GALNTL6: variants seen among roughly 807,000 people sequenced by gnomAD.
The protein encoded by GALNTL6 is polypeptide N-acetylgalactosaminyltransferase like 6.
GALNTL6 carries 46 observed loss-of-function variants against 73.7 expected under a neutral mutation model. The ratio of observed to expected loss-of-function variants is 0.62; its 90% confidence interval spans 0.49 to 0.80. The LOEUF (loss-of-function observed/expected upper bound fraction) is 0.80, where lower values mean the gene tolerates loss of function less well. Ranked by LOEUF, GALNTL6 falls within the 30% of genes least tolerant of loss-of-function variation. The probability of loss-of-function intolerance (pLI) is 0.00; values close to 1 mark genes in which losing one functional copy is unlikely to be tolerated. For synonymous variants in GALNTL6, 259 were observed against 263.7 expected (o/e 0.98, Z 0.17); for missense variants, 604 against 755.0 (o/e 0.80, Z 2.34).
chr4:172,841,935 C>T (rs1743236773), intron 7 of GALNTL6, among the ~76,000 whole-genome samples: 2 of 152,202 alleles, frequency 1.3e-5, no homozygotes, highest in African/African-American at 4.8e-5. Flanking sequence ...TAGATAATAA[C>T]AGCTGCCATT....
chr4:173,008,176 G>A (rs1255585359), intron 10 of GALNTL6, among the ~76,000 whole-genome samples: 1 of 152,194 alleles, frequency 6.6e-6, no homozygotes, highest in East Asian at 1.9e-4. Flanking sequence ...GTTCCGCACA[G>A]AACCATGCAG....
At chr4:171,898,315 A>G (rs990525964) in intron 2 of GALNTL6, among the ~76,000 whole-genome samples, 6 of 152,194 alleles carry the variant, frequency 3.9e-5, no homozygotes, top group South Asian at 2.1e-4. Context: ...TTGACATTTA[A>G]TCATACACTT....
intron 5 of GALNTL6, among the ~76,000 whole-genome samples, chr4:172,432,682 A>ATT (rs746598851): frequency 1.3e-5 from 2 of 152,114 alleles, no homozygotes; most frequent in South Asian, 4.1e-4. Context: ...TTTAAAATGA[A>ATT]TAAATAGTTG....
At position 172,763,634 on chromosome 4, in the gene GALNTL6, A is replaced by G. The variant is rs1408033729; in HGVS notation, c.554-45727A>G. Among the ~76,000 whole-genome samples the G allele has an allele frequency of 5.3e-5, 8 of 152,344 alleles. No individual in the cohort carries two copies. The East Asian group carries it at 1.5e-3, about 29-fold the overall frequency. On this transcript the variant is annotated intron_variant, in intron 5 of 12. Coordinates refer to ENST00000506823, the MANE Select transcript of GALNTL6 (RefSeq NM_001034845.3). ...CAAATGCTTAGAGTAAAGGCATCGTATCTATGGAGCTTGTTTAACACTGAG... is the reference window on the plus strand; with the variant it reads ...CAAATGCTTAGAGTAAAGGCATCGTGTCTATGGAGCTTGTTTAACACTGAG...
chr4:172,052,392 T>C (rs2110861118), intron 2 of GALNTL6: 1 of 1,366,616 alleles, frequency 7.3e-7, no homozygotes, highest in Non-Finnish European at 1.0e-6. Flanking sequence ...ACATCCTTCA[T>C]AGTAACCACA....
chr4:172,198,059 C>G (rs1007591662), intron 2 of GALNTL6, among the ~76,000 whole-genome samples: 1 of 151,884 alleles, frequency 6.6e-6, no homozygotes, highest in Non-Finnish European at 1.5e-5. Flanking sequence ...TGCAGTGAGC[C>G]AAGATTGTGC....
At chr4:172,906,091 G>A (rs1051724471) in intron 8 of GALNTL6, among the ~76,000 whole-genome samples, 2 of 152,164 alleles carry the variant, frequency 1.3e-5, no homozygotes, top group Non-Finnish European at 2.9e-5. Flanking sequence ...GAGCTTGCTG[G>A]TGGCCAGAAC....
rs547419592 is a variant in GALNTL6, at chr4:172,815,228, ACAT to A, written c.923+1509_923+1511del. Among the ~76,000 whole-genome samples the A allele has an allele frequency of 2.2e-4, 34 of 152,338 alleles. 1 individual carries two copies. In the South Asian group the frequency reaches 5.8e-3, roughly 26 times the overall value. On this transcript the variant is annotated intron_variant, in intron 7 of 12. Transcript: ENST00000506823. Reference sequence around the variant, plus strand: ...TTCGACAATATGTACGTATTTCAAAACATCATGTTGTACATCATAAATATATAC... The same window carrying A: ...TTCGACAATATGTACGTATTTCAAAACATGTTGTACATCATAAATATATAC...
At chr4:172,696,646 C>G (rs1733714187) in intron 5 of GALNTL6, among the ~76,000 whole-genome samples, 2 of 152,306 alleles carry the variant, frequency 1.3e-5, no homozygotes, top group Admixed American at 1.3e-4. Context: ...CATACACTCT[C>G]TTGCCTGCTG....
At chr4:172,566,451 A>C (rs914951718) in intron 5 of GALNTL6, among the ~76,000 whole-genome samples, 1 of 152,218 alleles carries the variant, frequency 6.6e-6, no homozygotes, top group Non-Finnish European at 1.5e-5. Flanking sequence ...AATGGATCAG[A>C]AAAGAAATCA....
chr4:171,873,663 C>T (rs539981698), intron 2 of GALNTL6, among the ~76,000 whole-genome samples: 2 of 152,230 alleles, frequency 1.3e-5, no homozygotes, highest in South Asian at 4.1e-4. Flanking sequence ...AATACTTCTA[C>T]TCTCTTTATA....
rs566191395 is a variant in GALNTL6, at chr4:172,972,574, C to G, written c.1371+20316C>G. On this transcript the variant is annotated intron_variant, in intron 10 of 12. Transcript: ENST00000506823. The stretch of plus-strand genomic sequence containing the variant: ...CCAATCAGTGAGCACACCTAGCTCT[C>G]AATTGTGGTCTCTAAATAGAATTGT... Among the ~76,000 whole-genome samples, 10 of 152,288 alleles carry G rather than the reference C, an allele frequency of 6.6e-5. No individual in the cohort carries two copies. In the South Asian group the frequency reaches 1.9e-3, roughly 28 times the overall value.
At chr4:171,913,119 T>C (rs1405062773) in intron 2 of GALNTL6, among the ~76,000 whole-genome samples, 1 of 152,150 alleles carries the variant, frequency 6.6e-6, no homozygotes, top group African/African-American at 2.4e-5. Context: ...TTCCCAATCT[T>C]CTGATCAGAA....
At chr4:171,844,737 A>G (rs1735327283) in intron 2 of GALNTL6, among the ~76,000 whole-genome samples, 1 of 152,140 alleles carries the variant, frequency 6.6e-6, no homozygotes, top group South Asian at 2.1e-4. Context: ...AACAAATATA[A>G]CATTGAGAAT....
intron 4 of GALNTL6, among the ~76,000 whole-genome samples, chr4:172,338,610 C>T (rs190969245): frequency 6.0e-4 from 91 of 152,238 alleles, no homozygotes; most frequent in African/African-American, 2.1e-3. Context: ...GATATCACTT[C>T]TGGGTAAAAG....
intron 5 of GALNTL6, among the ~76,000 whole-genome samples, chr4:172,740,584 CAG>C (rs745617057): frequency 1.3e-5 from 2 of 152,150 alleles, no homozygotes; most frequent in Non-Finnish European, 2.9e-5. Flanking sequence ...TAGCTGTGGT[CAG>C]ACAAAGCAAC....
At chr4:172,373,826 T>C (rs1417412617) in intron 5 of GALNTL6, among the ~76,000 whole-genome samples, 1 of 152,212 alleles carries the variant, frequency 6.6e-6, no homozygotes, top group African/African-American at 2.4e-5. Flanking sequence ...GGTTACAGGC[T>C]GTCCCAGGAT....
At chr4:172,542,663 C>T (rs938920750) in intron 5 of GALNTL6, among the ~76,000 whole-genome samples, 2 of 152,096 alleles carry the variant, frequency 1.3e-5, no homozygotes, top group Non-Finnish European at 2.9e-5. Flanking sequence ...CCTATCATGG[C>T]GAGAACTTTG....
At chr4:172,456,496 G>C (rs1268806353) in intron 5 of GALNTL6, among the ~76,000 whole-genome samples, 7 of 151,740 alleles carry the variant, frequency 4.6e-5, no homozygotes, top group Admixed American at 3.9e-4. Flanking sequence ...CCAGTTTAGA[G>C]AAGAACATAA....
Sources: allele counts gnomAD v4.1 joint callset (sites outside exome capture counted in the v4.1 genomes callset), GRCh38; gene constraint gnomAD v4.1.1; transcripts MANE v1.5; gene names NCBI Gene and HGNC (gene_info 2026-07-23, HGNC 2026-07-21).